Variants in CACNG3 observed in about 807,000 individuals in gnomAD.
The protein encoded by CACNG3 is voltage-dependent calcium channel gamma-3 subunit.
In CACNG3, 3 loss-of-function variants were observed where a neutral mutation model predicts 28.5. The ratio of observed to expected loss-of-function variants is 0.11; its 90% CI spans 0.05 to 0.27. The LOEUF (loss-of-function observed/expected upper bound fraction) is 0.27. CACNG3 is among the 10% of genes least tolerant of loss of function. The probability of loss-of-function intolerance (pLI) is 1.00; values close to 1 mark genes in which losing one functional copy is unlikely to be tolerated. For missense variants in CACNG3, 236 were observed against 414.4 expected (o/e 0.57, Z 3.74); for synonymous variants, 174 against 162.2 (o/e 1.07, Z -0.55).
intron 1 of CACNG3, among the ~76,000 whole-genome samples, chr16:24,324,008 T>A (rs1322440174): frequency 6.6e-6 from 1 of 152,174 alleles, no homozygotes; most frequent in African/African-American, 2.4e-5. Flanking sequence ...CCTCAGGAAC[T>A]CCTGATCTGC....
At chr16:24,322,888 T>C (rs2141370597) in intron 1 of CACNG3, among the ~76,000 whole-genome samples, 1 of 152,272 alleles carries the variant, frequency 6.6e-6, no homozygotes, top group South Asian at 2.1e-4. Flanking sequence ...ACTATTCACA[T>C]AACCAGCCTT....
chr16:24,358,970 G>A (rs896693440), intron 3 of CACNG3, among the ~76,000 whole-genome samples: 5 of 152,106 alleles, frequency 3.3e-5, no homozygotes, highest in East Asian at 1.9e-4. Flanking sequence ...CATGGTAAGC[G>A]CCCTGTAAAT....
chr16:24,293,071 C>T (rs1012082999), intron 1 of CACNG3, among the ~76,000 whole-genome samples: 1 of 152,206 alleles, frequency 6.6e-6, no homozygotes, highest in Non-Finnish European at 1.5e-5. Flanking sequence ...TTTGTGTAGA[C>T]ATGATCATTC....
At chr16:24,344,561 T>A (rs1020510034) in intron 1 of CACNG3, among the ~76,000 whole-genome samples, 1 of 152,176 alleles carries the variant, frequency 6.6e-6, no homozygotes, top group Non-Finnish European at 1.5e-5. Context: ...CTCTAAAATA[T>A]GAACAAGCAT....
chr16:24,289,923 T>G (rs1377042777), intron 1 of CACNG3, among the ~76,000 whole-genome samples: 1 of 152,252 alleles, frequency 6.6e-6, no homozygotes, highest in Non-Finnish European at 1.5e-5. Context: ...TATTACTTAT[T>G]AGCAGAGAAA....
chr16:24,299,398 C>T (rs2141359172), intron 1 of CACNG3, among the ~76,000 whole-genome samples: 1 of 152,302 alleles, frequency 6.6e-6, no homozygotes, highest in South Asian at 2.1e-4. Flanking sequence ...TGAACACATC[C>T]TTGCTTTCCA....
At chr16:24,345,688 G>A (rs1048505551) in intron 1 of CACNG3, among the ~76,000 whole-genome samples, 10 of 152,336 alleles carry the variant, frequency 6.6e-5, no homozygotes, top group South Asian at 2.1e-4. Context: ...CGACAAGAGA[G>A]AAACTCTGTC....
At chr16:24,325,964 G>C (rs1194166885) in intron 1 of CACNG3, among the ~76,000 whole-genome samples, 1 of 152,110 alleles carries the variant, frequency 6.6e-6, no homozygotes, top group Admixed American at 6.5e-5. Flanking sequence ...CCTGTTTCAA[G>C]CATGGCTGGA....
intron 1 of CACNG3, among the ~76,000 whole-genome samples, chr16:24,329,553 G>T (rs186713603): frequency 9.8e-5 from 15 of 152,308 alleles, no homozygotes; most frequent in African/African-American, 3.1e-4. Flanking sequence ...GCAGGGAACA[G>T]AAATCCAAGC....
At chr16:24,278,359 C>T (rs372099085) in intron 1 of CACNG3, among the ~76,000 whole-genome samples, 16 of 152,208 alleles carry the variant, frequency 1.1e-4, no homozygotes, top group African/African-American at 3.6e-4. Context: ...GACTCACACC[C>T]GTAATCCCTG....
At chr16:24,333,131 G>T (rs772535202) in intron 1 of CACNG3, among the ~76,000 whole-genome samples, 1 of 152,082 alleles carries the variant, frequency 6.6e-6, no homozygotes, top group African/African-American at 2.4e-5. Context: ...CAAACTTTAT[G>T]ATCTTGTCAG....
intron 1 of CACNG3, among the ~76,000 whole-genome samples, chr16:24,287,945 C>T (rs546964858): frequency 6.6e-6 from 1 of 151,964 alleles, no homozygotes; most frequent in East Asian, 1.9e-4. Flanking sequence ...CGAGTCTTTC[C>T]AAAACATAAG....
Position 24,361,806 on chromosome 16 carries a change from A to G in CACNG3, c.891A>G (p.Lys297=). 1 of 1,613,748 alleles carries G rather than the reference A, an allele frequency of 6.2e-7. No homozygotes were observed. The highest frequency in any genetic ancestry group is 2.2e-5 in the East Asian group (1 of 44,878). ...AFLQFHNSTP[K]EFKESLHNNP... ...TACAGTTCCACAATTCCACACCCAA[A>G]GAGTTCAAAGAGTCACTGCATAATA... The change falls in exon 4 of 4, where the codon AAA becomes AAG. Residue 297 remains lysine, a synonymous_variant. Transcript: ENST00000005284. This position sits in a 1 kb window ranked among gnomAD's most constrained non-coding sequence, Gnocchi z 6.8.
intron 1 of CACNG3, among the ~76,000 whole-genome samples, chr16:24,332,781 A>T (rs1899648355): frequency 6.6e-6 from 1 of 151,466 alleles, no homozygotes; most frequent in African/African-American, 2.4e-5. Context: ...CTACACAGGC[A>T]CCCCCTCCCT....
intron 1 of CACNG3, among the ~76,000 whole-genome samples, chr16:24,289,118 A>G (rs1430268828): frequency 6.6e-6 from 1 of 152,122 alleles, no homozygotes; most frequent in African/African-American, 2.4e-5. Context: ...CAAAGGTAGT[A>G]AGAAAGTGGA....
At chr16:24,281,143 G>T (rs967482444) in intron 1 of CACNG3, among the ~76,000 whole-genome samples, 1 of 152,066 alleles carries the variant, frequency 6.6e-6, no homozygotes, top group Non-Finnish European at 1.5e-5. Flanking sequence ...GGATACTCAG[G>T]GATTCAAGAT....
intron 1 of CACNG3, among the ~76,000 whole-genome samples, chr16:24,327,017 A>G (rs1169151077): frequency 6.9e-6 from 1 of 143,934 alleles, no homozygotes; most frequent in Non-Finnish European, 1.5e-5. Context: ...GCAGCAGGTG[A>G]TGGGGATGAA....
chr16:24,288,959 A>G (rs1312421897), intron 1 of CACNG3, among the ~76,000 whole-genome samples: 1 of 152,050 alleles, frequency 6.6e-6, no homozygotes, highest in Non-Finnish European at 1.5e-5. Context: ...GACTTTTTCC[A>G]TCATGCGGCC....
At chr16:24,282,929 C>T (rs1374973429) in intron 1 of CACNG3, among the ~76,000 whole-genome samples, 1 of 151,986 alleles carries the variant, frequency 6.6e-6, no homozygotes, top group Non-Finnish European at 1.5e-5. Flanking sequence ...AGTGGCCTGG[C>T]CTGATCTCAG....
Sources: allele counts gnomAD v4.1 joint callset (sites outside exome capture counted in the v4.1 genomes callset), GRCh38; gene constraint gnomAD v4.1.1; non-coding constraint Gnocchi (gnomAD v3.1); transcripts MANE v1.5; gene names NCBI Gene and HGNC (gene_info 2026-07-23, HGNC 2026-07-21).